RBFOX1: variants seen among roughly 807,000 people sequenced by gnomAD.
RBFOX1 encodes the protein RNA binding protein fox-1 homolog 1.
RBFOX1 carries 8 observed loss-of-function variants against 57.7 expected under a neutral mutation model. The observed-to-expected ratio is 0.14, with a 90% CI of 0.08 to 0.25. The LOEUF is 0.25. RBFOX1 is among the 10% of genes least tolerant of loss of function. The probability of loss-of-function intolerance (pLI) is 1.00; values close to 1 mark genes in which losing one functional copy is unlikely to be tolerated. For synonymous variants in RBFOX1, 326 were observed against 222.4 expected, an observed-to-expected ratio of 1.47 and a Z score of -4.15; for missense variants, 611 against 548.5, an observed-to-expected ratio of 1.11 and a Z score of -1.14.
At chr16:5,476,145 A>T (rs1044618579) in intron 2 of RBFOX1, among the ~76,000 whole-genome samples, 1 of 152,208 alleles carries the variant, frequency 6.6e-6, no homozygotes, top group African/African-American at 2.4e-5. Context: ...TAATGCATAA[A>T]GGGAGACCCT....
intron 3 of RBFOX1, among the ~76,000 whole-genome samples, chr16:6,874,749 G>T (rs936828853): frequency 4.0e-5 from 6 of 151,864 alleles, no homozygotes; most frequent in African/African-American, 1.5e-4. Flanking sequence ...CATAAAAAAT[G>T]ACATAATGTA....
chr16:7,686,656 G>A (rs1021121546), intron 14 of RBFOX1, among the ~76,000 whole-genome samples: 1 of 152,096 alleles, frequency 6.6e-6, no homozygotes. Context: ...GGTCTGGGAA[G>A]GGCATGTACT....
At chr16:7,202,002 A>G (rs2088650423) in intron 4 of RBFOX1, among the ~76,000 whole-genome samples, 1 of 152,186 alleles carries the variant, frequency 6.6e-6, no homozygotes, top group Non-Finnish European at 1.5e-5. Context: ...TTAGGAGGAT[A>G]TGCATAAATG....
intron 4 of RBFOX1, among the ~76,000 whole-genome samples, chr16:7,092,440 C>T (rs1049526118): frequency 6.6e-6 from 1 of 152,236 alleles, no homozygotes; most frequent in African/African-American, 2.4e-5. Flanking sequence ...CTGCTTTTAT[C>T]ACTTAACATT....
At chr16:7,095,634 A>T (rs181530327) in intron 4 of RBFOX1, among the ~76,000 whole-genome samples, 168 of 152,212 alleles carry the variant, frequency 1.1e-3, no homozygotes, top group African/African-American at 3.9e-3. Flanking sequence ...ACCAGGTGGG[A>T]GCTTGGAATG....
chr16:5,807,681 G>A (rs533386453), intron 3 of RBFOX1, among the ~76,000 whole-genome samples: 3 of 152,320 alleles, frequency 2.0e-5, no homozygotes, highest in Admixed American at 1.3e-4. Context: ...GCTTCTGAGA[G>A]AGAGGGAGTG....
At chr16:5,636,688 T>C (rs1336841211) in intron 3 of RBFOX1, among the ~76,000 whole-genome samples, 2 of 152,178 alleles carry the variant, frequency 1.3e-5, no homozygotes, top group Non-Finnish European at 2.9e-5. Context: ...AGACCTGAGA[T>C]CATACCCTTG....
At chr16:6,554,789 C>G (rs2097065012) in intron 2 of RBFOX1, among the ~76,000 whole-genome samples, 1 of 150,784 alleles carries the variant, frequency 6.6e-6, no homozygotes, top group African/African-American at 2.5e-5. Flanking sequence ...CAGACACACA[C>G]ACAGACACAC....
chr16:5,447,959 T>C (rs912489269), intron 1 of RBFOX1, among the ~76,000 whole-genome samples: 5 of 152,190 alleles, frequency 3.3e-5, no homozygotes, highest in Non-Finnish European at 7.3e-5. Context: ...TGGTTGTTGA[T>C]CAGCCAATGG....
intron 2 of RBFOX1, among the ~76,000 whole-genome samples, chr16:5,529,152 T>C (rs73514190): frequency 0.034 from 5,226 of 152,088 alleles, 320 homozygotes; most frequent in African/African-American, 0.12. Context: ...GTGTGCAAAG[T>C]ACTTCACCTT....
At chr16:7,339,762 C>A (rs935081573) in intron 4 of RBFOX1, among the ~76,000 whole-genome samples, 1 of 152,110 alleles carries the variant, frequency 6.6e-6, no homozygotes, top group African/African-American at 2.4e-5. Context: ...GTTAAGAATT[C>A]TTTTGTCTGC....
chr16:5,934,624 GATAA>G (rs1854609389), intron 4 of RBFOX1, among the ~76,000 whole-genome samples: 1 of 152,148 alleles, frequency 6.6e-6, no homozygotes, highest in Non-Finnish European at 1.5e-5. Flanking sequence ...ACAAAGAAAT[GATAA>G]ATATTTGAGA....
chr16:5,931,307 C>T (rs538058071), intron 4 of RBFOX1, among the ~76,000 whole-genome samples: 2 of 152,242 alleles, frequency 1.3e-5, no homozygotes, highest in African/African-American at 4.8e-5. Flanking sequence ...TATTCTCATA[C>T]TTAACACTGT....
chr16:7,452,506 T>A (rs1176203725), intron 4 of RBFOX1, among the ~76,000 whole-genome samples: 1 of 152,180 alleles, frequency 6.6e-6, no homozygotes, highest in African/African-American at 2.4e-5. Context: ...TTCTCTCTTA[T>A]CAGTAACACA....
At chr16:5,887,496 G>A (rs1308672774) in intron 4 of RBFOX1, among the ~76,000 whole-genome samples, 1 of 152,170 alleles carries the variant, frequency 6.6e-6, no homozygotes, top group Non-Finnish European at 1.5e-5. Flanking sequence ...GCACCTGCAG[G>A]GTTCAAGCAA....
At chr16:6,488,495 C>G (rs9926665) in intron 2 of RBFOX1, among the ~76,000 whole-genome samples, 1 of 152,098 alleles carries the variant, frequency 6.6e-6, no homozygotes, top group Non-Finnish European at 1.5e-5. Flanking sequence ...TCTGTTCTTA[C>G]AACTCTGCAA....
chr16:5,242,669 A>C (rs1275731678), intron 1 of RBFOX1, among the ~76,000 whole-genome samples: 1 of 152,150 alleles, frequency 6.6e-6, no homozygotes, highest in Admixed American at 6.5e-5. Context: ...GCTTGGTAAA[A>C]ATGTCAAAAC....
chr16:6,565,242 T>A (rs2097245284), intron 2 of RBFOX1, among the ~76,000 whole-genome samples: 1 of 147,210 alleles, frequency 6.8e-6, no homozygotes, highest in Non-Finnish European at 1.5e-5. Context: ...AAATGTGAAA[T>A]GACTTTTTCT....
chr16:6,391,808 C>G (rs973997013), intron 2 of RBFOX1, among the ~76,000 whole-genome samples: 2 of 152,062 alleles, frequency 1.3e-5, no homozygotes, highest in Non-Finnish European at 2.9e-5. Flanking sequence ...ATAGGATACC[C>G]CTCCCATCCT....
Sources: gnomAD v4.1 joint callset for allele counts (sites outside exome capture counted in the v4.1 genomes callset) on GRCh38, gnomAD v4.1.1 for gene constraint, MANE v1.5 for transcripts, NCBI Gene and HGNC (gene_info 2026-07-23, HGNC 2026-07-21) for gene names.